CHST9: variants seen among roughly 807,000 people sequenced by gnomAD.
CHST9 encodes the protein carbohydrate sulfotransferase 9.
In CHST9, 41 loss-of-function variants were observed where a neutral mutation model predicts 44.4. That is an observed-to-expected ratio of 0.92 (90% CI 0.72 to 1.20). The LOEUF (loss-of-function observed/expected upper bound fraction) is 1.20, where lower values mean the gene tolerates loss of function less well. CHST9 is among the 50% of genes most tolerant of loss of function. CHST9 has a pLI of 0.00. For synonymous variants in CHST9, 171 were observed against 178.4 expected (o/e 0.96, Z 0.33); for missense variants, 504 against 516.5 (o/e 0.98, Z 0.23).
chr18:27,045,528 T>C (rs2057489742), intron 3 of CHST9, among the ~76,000 whole-genome samples: 1 of 151,906 alleles, frequency 6.6e-6, no homozygotes, highest in Admixed American at 6.6e-5. Context: ...CAAGGGAAAA[T>C]AGAAAATTGA....
At chr18:27,114,397 T>A (rs1470202480) in intron 2 of CHST9, among the ~76,000 whole-genome samples, 2 of 152,194 alleles carry the variant, frequency 1.3e-5, no homozygotes, top group East Asian at 1.9e-4. Flanking sequence ...CCAGCTAAGA[T>A]GTTTTTCCTT....
intron 4 of CHST9, among the ~76,000 whole-genome samples, chr18:26,972,496 C>T (rs1159569369): frequency 1.3e-5 from 2 of 151,706 alleles, no homozygotes. Flanking sequence ...GCGCAAAAGC[C>T]CTAAAGGGAG....
chr18:27,046,676 T>C (rs771989393), intron 3 of CHST9, among the ~76,000 whole-genome samples: 44 of 152,200 alleles, frequency 2.9e-4, no homozygotes, highest in Non-Finnish European at 5.9e-4. Flanking sequence ...TTTATGACTA[T>C]AGTGGCAAAC....
At chr18:27,049,545 A>T (rs772086238) in intron 2 of CHST9, among the ~76,000 whole-genome samples, 1 of 152,114 alleles carries the variant, frequency 6.6e-6, no homozygotes, top group South Asian at 2.1e-4. Context: ...ATAGCCATAC[A>T]ATAATGGTGG....
intron 2 of CHST9, among the ~76,000 whole-genome samples, chr18:27,069,210 G>GT (rs1315198165): frequency 2.6e-5 from 4 of 152,054 alleles, no homozygotes; most frequent in African/African-American, 9.7e-5. Context: ...TATGAAATTG[G>GT]TACTTTTACT....
At chr18:26,936,503 T>A (rs771587589) in intron 5 of CHST9, 1 of 152,158 alleles carries the variant, frequency 6.6e-6, no homozygotes, top group Non-Finnish European at 1.5e-5. Context: ...CTTTAACCTA[T>A]GAAGTGAGTG....
intron 4 of CHST9, among the ~76,000 whole-genome samples, chr18:26,973,802 C>G (rs2056583591): frequency 6.6e-6 from 1 of 152,136 alleles, no homozygotes; most frequent in African/African-American, 2.4e-5. Flanking sequence ...TTTCCCCCAC[C>G]AGGGGCTATG....
chr18:27,080,649 T>C lies in CHST9; in HGVS notation c.122-32146A>G, dbSNP rs529694683. Among the ~76,000 whole-genome samples, 148 of 152,242 alleles carry C rather than the reference T, an allele frequency of 9.7e-4. 1 individual carries two copies. Among genetic ancestry groups the C allele is most frequent in the African/African-American group, 3.4e-3 (140 of 41,538 alleles). ...AGGTGGCCAAATGTGTAATTTGGTG[T>C]GTTGAGGATGTCCTGCAGAGTGGAA... is the stretch of plus-strand genomic sequence containing the variant. On this transcript the variant is annotated intron_variant, in intron 2 of 5. Coordinates refer to ENST00000618847, the MANE Select transcript of CHST9 (RefSeq NM_031422.6).
intron 4 of CHST9, among the ~76,000 whole-genome samples, chr18:27,020,886 T>A (rs1172582152): frequency 3.3e-5 from 5 of 152,250 alleles, no homozygotes; most frequent in East Asian, 1.9e-4. Context: ...CGCTGAACAT[T>A]TTCCTAGTGG....
chr18:27,109,845 G>A (rs145082971), intron 2 of CHST9, among the ~76,000 whole-genome samples: 140 of 152,206 alleles, frequency 9.2e-4, no homozygotes, highest in African/African-American at 2.0e-3. Flanking sequence ...TTCATAATCA[G>A]GGATGGTTCA....
intron 4 of CHST9, among the ~76,000 whole-genome samples, chr18:26,946,153 G>T (rs1026052077): frequency 6.6e-6 from 1 of 152,156 alleles, no homozygotes; most frequent in African/African-American, 2.4e-5. Context: ...GATTTCTTTT[G>T]TCAGTTTATA....
At chr18:27,013,398 AT>A (rs1486775866) in intron 4 of CHST9, among the ~76,000 whole-genome samples, 1 of 152,242 alleles carries the variant, frequency 6.6e-6, no homozygotes, top group Non-Finnish European at 1.5e-5. Context: ...TAATTTAAAT[AT>A]TCTTTTATAA....
chr18:26,969,312 G>A (rs1309778433), intron 4 of CHST9, among the ~76,000 whole-genome samples: 3 of 151,776 alleles, frequency 2.0e-5, no homozygotes, highest in South Asian at 2.1e-4. Context: ...ACGAATTTAT[G>A]CAGTCTTATA....
chr18:27,029,714 A>G (rs186212895), intron 3 of CHST9, among the ~76,000 whole-genome samples: 10 of 152,312 alleles, frequency 6.6e-5, no homozygotes, highest in African/African-American at 9.6e-5. Context: ...GTGATATGGT[A>G]TTGTTTAGGA....
intron 4 of CHST9, among the ~76,000 whole-genome samples, chr18:26,948,260 C>A (rs2145124879): frequency 6.6e-6 from 1 of 152,068 alleles, no homozygotes; most frequent in Middle Eastern, 3.4e-3. Flanking sequence ...AGTGGGGGAC[C>A]AGGGGAGTGA....
At chr18:26,918,862 G>A (rs187149777) in intron 5 of CHST9, among the ~76,000 whole-genome samples, 11 of 152,014 alleles carry the variant, frequency 7.2e-5, no homozygotes, top group Admixed American at 2.0e-4. Flanking sequence ...GTATAGCCCC[G>A]TGTATTAGTC....
intron 4 of CHST9, among the ~76,000 whole-genome samples, chr18:26,946,601 T>C (rs887185441): frequency 6.6e-6 from 1 of 152,252 alleles, no homozygotes; most frequent in Non-Finnish European, 1.5e-5. Flanking sequence ...GCACAGCCTA[T>C]GTCCTGAATG....
rs531104574 is a variant in CHST9 at position 27,010,612 on chromosome 18, TA to T, written c.202+13503del. Among the ~76,000 whole-genome samples, 41 of 152,316 alleles carry T rather than the reference TA, an allele frequency of 2.7e-4. 1 individual carries two copies. The South Asian group carries it at 8.5e-3, about 32-fold the overall frequency. On this transcript the variant is annotated intron_variant, in intron 4 of 5. Coordinates refer to ENST00000618847, the MANE Select transcript of CHST9 (RefSeq NM_031422.6). ...ACTGCTCTGAACCTTGGGTTTCTCA[TA>T]TACAACATGAAGATAATAATGTCAT...
At chr18:27,162,764 C>G (rs1012409891) in intron 1 of CHST9, among the ~76,000 whole-genome samples, 6 of 152,170 alleles carry the variant, frequency 3.9e-5, no homozygotes, top group Admixed American at 1.3e-4. Flanking sequence ...CGAACTTCCT[C>G]CTTTAGCTCG....
Sources: gnomAD v4.1 joint callset for allele counts (sites outside exome capture counted in the v4.1 genomes callset) on GRCh38, gnomAD v4.1.1 for gene constraint, MANE v1.5 for transcripts, NCBI Gene and HGNC (gene_info 2026-07-23, HGNC 2026-07-21) for gene names.